The following PRKN variants were observed in gnomAD, a reference collection of about 807,000 sequenced individuals.
The protein encoded by PRKN is parkin RBR E3 ubiquitin protein ligase.
PRKN carries 56 observed loss-of-function variants against 59.5 expected under a neutral mutation model. The observed-to-expected ratio is 0.94, with a 90% CI of 0.76 to 1.18. PRKN has a LOEUF of 1.18. PRKN is among the 50% of genes most tolerant of loss of function. The probability of loss-of-function intolerance (pLI) is 0.00; values close to 1 mark genes in which losing one functional copy is unlikely to be tolerated. For missense variants in PRKN, 657 were observed against 596.4 expected, an observed-to-expected ratio of 1.10 and a Z score of -1.06; for synonymous variants, 250 against 222.1, an observed-to-expected ratio of 1.13 and a Z score of -1.12.
chr6:162,460,652 C>G (rs1029175251), intron 1 of PRKN, among the ~76,000 whole-genome samples: 2 of 152,132 alleles, frequency 1.3e-5, no homozygotes, highest in Non-Finnish European at 2.9e-5. Context: ...TTGGGATAAG[C>G]GGATGAATGA....
intron 4 of PRKN, among the ~76,000 whole-genome samples, chr6:162,108,469 G>A (rs762300175): frequency 3.9e-5 from 6 of 152,056 alleles, no homozygotes; most frequent in Admixed American, 2.0e-4. Context: ...CACATTTTAC[G>A]AAATGTCAGT....
At chr6:162,716,089 C>A (rs1177242141) in intron 1 of PRKN, among the ~76,000 whole-genome samples, 1 of 152,196 alleles carries the variant, frequency 6.6e-6, no homozygotes, top group African/African-American at 2.4e-5. Context: ...TATCATAAAT[C>A]CTATAATTTA....
chr6:161,757,871 C>CTCTCTCTCTCTCTCTCTCTCTCTCTG lies in PRKN; in HGVS notation c.871+27900_871+27901insCAGAGAGAGAGAGAGAGAGAGAGAGA, dbSNP rs1380898753. Among the ~76,000 whole-genome samples the CTCTCTCTCTCTCTCTCTCTCTCTCTG allele has an allele frequency of 2.1e-3, 207 of 97,948 alleles. 11 individuals are homozygous for CTCTCTCTCTCTCTCTCTCTCTCTCTG. The highest frequency in any genetic ancestry group is 7.5e-3 in the African/African-American group (168 of 22,330). 64.3% of individuals were successfully genotyped at this position (97,948 alleles called of 152,430 possible). A position where few individuals can be genotyped will look rare whatever the true frequency, so the allele number is the denominator to read the frequency against. ...TCTCTCTCTCTCTCTCTCTCTCTCT[C>CTCTCTCTCTCTCTCTCTCTCTCTCTG]TGTGTATATATATATACACACACAC... On this transcript the variant is annotated intron_variant, in intron 7 of 11. Coordinates refer to ENST00000366898, the MANE Select transcript of PRKN (RefSeq NM_004562.3).
intron 6 of PRKN, among the ~76,000 whole-genome samples, chr6:161,794,232 C>T (rs1216797233): frequency 6.6e-6 from 1 of 152,168 alleles, no homozygotes; most frequent in African/African-American, 2.4e-5. Context: ...TTTTCTGTTG[C>T]AGACATACTC....
At chr6:161,469,742 C>T (rs1359820506) in intron 9 of PRKN, among the ~76,000 whole-genome samples, 6 of 152,078 alleles carry the variant, frequency 3.9e-5, no homozygotes, top group Admixed American at 6.5e-5. Context: ...TGCAGCCCTG[C>T]GACACCTTAA....
chr6:162,182,788 T>C (rs1215239430), intron 4 of PRKN, among the ~76,000 whole-genome samples: 2 of 152,208 alleles, frequency 1.3e-5, no homozygotes, highest in Admixed American at 6.5e-5. Flanking sequence ...GCAAGTCTAT[T>C]GGCACCATTT....
intron 6 of PRKN, among the ~76,000 whole-genome samples, chr6:161,902,944 A>G (rs577432586): frequency 1.2e-4 from 19 of 152,296 alleles, no homozygotes; most frequent in South Asian, 1.0e-3. Flanking sequence ...CCCTGCTCTC[A>G]GAAAGTTGTG....
chr6:161,942,269 A>C (rs1427966643), intron 6 of PRKN, among the ~76,000 whole-genome samples: 7 of 152,042 alleles, frequency 4.6e-5, no homozygotes, highest in Admixed American at 4.6e-4. Context: ...GCGGTGGCTC[A>C]CTCTCAATCC....
At chr6:161,777,490 C>T (rs74941655) in intron 7 of PRKN, among the ~76,000 whole-genome samples, 5,741 of 151,262 alleles carry the variant, frequency 0.038, 376 homozygotes, top group African/African-American at 0.13. Context: ...AAAAACTAGA[C>T]GATGGAAACA....
At chr6:161,990,971 T>C (rs1781623951) in intron 5 of PRKN, among the ~76,000 whole-genome samples, 1 of 152,104 alleles carries the variant, frequency 6.6e-6, no homozygotes, top group Non-Finnish European at 1.5e-5. Flanking sequence ...CTGTTAAAAG[T>C]TAAAGACAAA....
chr6:162,194,997 G>A (rs767363524), intron 4 of PRKN, among the ~76,000 whole-genome samples: 3 of 152,108 alleles, frequency 2.0e-5, no homozygotes, highest in Non-Finnish European at 2.9e-5. Context: ...CGTGAAGGGC[G>A]ACAGTGAACA....
At chr6:162,332,863 T>G (rs1211775703) in intron 2 of PRKN, among the ~76,000 whole-genome samples, 4 of 152,034 alleles carry the variant, frequency 2.6e-5, no homozygotes, top group Admixed American at 1.3e-4. Context: ...CACACACAGC[T>G]TCATGAAGGC....
chr6:161,523,930 G>C (rs1318345975), intron 9 of PRKN, among the ~76,000 whole-genome samples: 1 of 152,114 alleles, frequency 6.6e-6, no homozygotes, highest in Non-Finnish European at 1.5e-5. Flanking sequence ...CTCAGCAAGA[G>C]AGAGACTGGG....
chr6:161,638,417 G>T (rs1783610664), intron 7 of PRKN, among the ~76,000 whole-genome samples: 1 of 152,128 alleles, frequency 6.6e-6, no homozygotes, highest in African/African-American at 2.4e-5. Context: ...TTACAGGTGT[G>T]AGCCATCGTG....
chr6:162,174,351 T>C (rs1439801120), intron 4 of PRKN, among the ~76,000 whole-genome samples: 1 of 152,096 alleles, frequency 6.6e-6, no homozygotes, highest in Non-Finnish European at 1.5e-5. Context: ...TAAATAAAAG[T>C]CAGCTGAATC....
intron 6 of PRKN, among the ~76,000 whole-genome samples, chr6:161,875,910 G>A (rs919711507): frequency 1.3e-5 from 2 of 152,052 alleles, no homozygotes; most frequent in Non-Finnish European, 2.9e-5. Flanking sequence ...CATGGGTGCC[G>A]TTATGTAACC....
chr6:162,029,390 T>C (rs1211818819), intron 5 of PRKN, among the ~76,000 whole-genome samples: 2 of 152,224 alleles, frequency 1.3e-5, no homozygotes, highest in African/African-American at 4.8e-5. Context: ...TTTATGTCTC[T>C]CAATCATTAG....
At chr6:162,469,358 GT>G (rs376409069) in intron 1 of PRKN, among the ~76,000 whole-genome samples, 26,031 of 123,982 alleles carry the variant, frequency 0.21, 3,159 homozygotes, top group East Asian at 0.31. Flanking sequence ...GCAGGGGGGG[GT>G]GGGTGACAGA....
chr6:161,902,419 CT>C, intron 6 of PRKN, among the ~76,000 whole-genome samples: 1 of 152,020 alleles, frequency 6.6e-6, no homozygotes, highest in East Asian at 1.9e-4. Flanking sequence ...TTAAGACGGT[CT>C]AAATATTTCA....
Sources: allele counts gnomAD v4.1 joint callset (sites outside exome capture counted in the v4.1 genomes callset), GRCh38; gene constraint gnomAD v4.1.1; transcripts MANE v1.5; gene names NCBI Gene and HGNC (gene_info 2026-07-23, HGNC 2026-07-21).